EGFR: variants seen among roughly 807,000 people sequenced by gnomAD.
EGFR encodes the protein epidermal growth factor receptor.
EGFR carries 58 observed loss-of-function variants against 143.0 expected under a neutral mutation model. The ratio of observed to expected loss-of-function variants is 0.41; its 90% confidence interval spans 0.33 to 0.50. EGFR has a LOEUF of 0.50. Ranked by LOEUF, EGFR falls within the 20% of genes least tolerant of loss-of-function variation. The pLI is 0.39. For missense variants in EGFR, 1,307 were observed against 1,579.0 expected, an observed-to-expected ratio of 0.83 and a Z score of 2.92; for synonymous variants, 613 against 594.4, an observed-to-expected ratio of 1.03 and a Z score of -0.45.
intron 1 of EGFR, chr7:55,044,065 C>A (rs1411212304): frequency 6.6e-6 from 1 of 152,228 alleles, no homozygotes; most frequent in African/African-American, 2.4e-5. Flanking sequence ...GCCTTAGAAA[C>A]TGGCTCCTTC....
At chr7:55,196,304 C>T (rs936577133) in intron 22 of EGFR, among the ~76,000 whole-genome samples, 10 of 150,400 alleles carry the variant, frequency 6.6e-5, no homozygotes, top group Non-Finnish European at 1.2e-4. Context: ...TACTTGTTGG[C>T]TGCATGTATG....
intron 6 of EGFR, among the ~76,000 whole-genome samples, 153 bp from the exon 7 acceptor site, chr7:55,153,858 G>A (rs776602458): frequency 1.3e-5 from 2 of 152,106 alleles, no homozygotes; most frequent in African/African-American, 2.4e-5. Context: ...TGCAGAGGGC[G>A]CCAGCTGGGT....
Position 55,163,722 on chromosome 7 carries a change from C to A in EGFR, c.1632-11C>A. On this transcript the variant is annotated splice_polypyrimidine_tract_variant and intron_variant, in intron 13 of 27. Transcript: ENST00000275493. The stretch of plus-strand genomic sequence containing the variant: ...GGGGTGGGCTGACGGGTTTCCTCTT[C>A]CTCCTCTCAGTGAGCCAAGGGAGTT... 6.2e-7 allele frequency: 1 copy of A among 1,613,722 alleles called. No individual in the cohort carries two copies. The highest frequency in any genetic ancestry group is 1.1e-5 in the South Asian group (1 of 91,072).
intron 1 of EGFR, among the ~76,000 whole-genome samples, chr7:55,059,649 C>A (rs1240986909): frequency 3.3e-5 from 5 of 152,098 alleles, no homozygotes; most frequent in Non-Finnish European, 2.9e-5. Context: ...CCTCCCCAAA[C>A]TGTGGCAACC....
At chr7:55,084,644 G>A (rs10244108) in intron 1 of EGFR, among the ~76,000 whole-genome samples, 40,330 of 152,126 alleles carry the variant, frequency 0.27, 5,984 homozygotes, top group Non-Finnish European at 0.34. Flanking sequence ...ACACTTGGGA[G>A]GAATGTTTAC....
intron 1 of EGFR, among the ~76,000 whole-genome samples, chr7:55,067,581 A>G (rs914065614): frequency 3.3e-5 from 5 of 151,576 alleles, no homozygotes; most frequent in Admixed American, 6.5e-5. Flanking sequence ...TGTACGGTTC[A>G]GTAGTGTTAA....
chr7:55,051,757 ACT>A lies in EGFR; in HGVS notation c.88+32396_88+32397del, dbSNP rs1788504538. Among the ~76,000 whole-genome samples, 3 of 151,994 alleles carry A rather than the reference ACT, an allele frequency of 2.0e-5. No individual in the cohort carries two copies. The South Asian group carries it at 6.2e-4, about 32-fold the overall frequency. ...TCCAAACATGATCTGGCCCTCAGCTACTCTCCAGGGTCATGCCACCCTATCAC... is the reference window on the plus strand; with the variant it reads ...TCCAAACATGATCTGGCCCTCAGCTACTCCAGGGTCATGCCACCCTATCAC... On this transcript the variant is annotated intron_variant, in intron 1 of 27. Coordinates refer to ENST00000275493, the MANE Select transcript of EGFR (RefSeq NM_005228.5).
intron 1 of EGFR, among the ~76,000 whole-genome samples, chr7:55,082,906 A>C (rs1360639026): frequency 6.6e-6 from 1 of 152,212 alleles, no homozygotes; most frequent in African/African-American, 2.4e-5. Context: ...TGGTGTTCCC[A>C]GCAGCCCTTG....
At chr7:55,124,933 G>T (rs1338044133) in intron 1 of EGFR, among the ~76,000 whole-genome samples, 2 of 152,244 alleles carry the variant, frequency 1.3e-5, no homozygotes, top group Non-Finnish European at 2.9e-5. Flanking sequence ...CCCTGTCGGG[G>T]TGTCCATTGT....
At chr7:55,028,327 CTG>C (rs1280580548) in intron 1 of EGFR, among the ~76,000 whole-genome samples, 3 of 152,146 alleles carry the variant, frequency 2.0e-5, no homozygotes, top group Admixed American at 2.0e-4. Flanking sequence ...ATGTGAAAAA[CTG>C]TGCATGTTTT....
At chr7:55,181,111 C>A in intron 19 of EGFR, 182 bp from the exon 20 acceptor site, 1 of 732,354 alleles carries the variant, frequency 1.4e-6, no homozygotes, top group Non-Finnish European at 2.3e-6. Context: ...CTGCATCTGT[C>A]ACTTCACAGC....
chr7:55,161,365 T>C, intron 12 of EGFR, 134 bp from the exon 13 acceptor site: 2 of 1,273,390 alleles, frequency 1.6e-6, no homozygotes, highest in Non-Finnish European at 2.1e-6. Context: ...GTCCTCCTCC[T>C]TCAGGGGTAG....
intron 1 of EGFR, among the ~76,000 whole-genome samples, chr7:55,134,701 G>C (rs960640575): frequency 6.6e-6 from 1 of 152,138 alleles, no homozygotes; most frequent in South Asian, 2.1e-4. Flanking sequence ...ATAAAAAATG[G>C]AAAGTGATTT....
chr7:55,192,616 CG>C, intron 21 of EGFR, 149 bp from the exon 22 acceptor site: 1 of 727,390 alleles, frequency 1.4e-6, no homozygotes, highest in South Asian at 1.5e-5. Context: ...CCCCTGTTGC[CG>C]GGAGGAGGCG....
chr7:55,083,793 A>C (rs2128891230), intron 1 of EGFR, among the ~76,000 whole-genome samples: 1 of 152,352 alleles, frequency 6.6e-6, no homozygotes, highest in Non-Finnish European at 1.5e-5. Flanking sequence ...GTTTTTGGTA[A>C]AATGAAACCC....
chr7:55,113,740 G>A (rs547375988), intron 1 of EGFR, among the ~76,000 whole-genome samples: 1 of 152,372 alleles, frequency 6.6e-6, no homozygotes, highest in Non-Finnish European at 1.5e-5. Context: ...TGAATGTTTA[G>A]CTTTGACAGA....
intron 1 of EGFR, among the ~76,000 whole-genome samples, chr7:55,054,468 T>C (rs1162303691): frequency 6.6e-6 from 1 of 152,206 alleles, no homozygotes; most frequent in African/African-American, 2.4e-5. Flanking sequence ...AACTTGGCCA[T>C]GCCGTGGCAG....
At chr7:55,115,227 C>G (rs1445397968) in intron 1 of EGFR, among the ~76,000 whole-genome samples, 1 of 152,154 alleles carries the variant, frequency 6.6e-6, no homozygotes, top group Non-Finnish European at 1.5e-5. Flanking sequence ...CACCAAGACT[C>G]TGTTCAGACA....
intron 1 of EGFR, among the ~76,000 whole-genome samples, chr7:55,140,281 CT>C (rs1187930438): frequency 1.3e-5 from 2 of 152,190 alleles, no homozygotes; most frequent in East Asian, 3.9e-4. Flanking sequence ...AAGCAGCTGC[CT>C]GTTTTCATCT....
Sources: gnomAD v4.1 joint callset for allele counts (sites outside exome capture counted in the v4.1 genomes callset) on GRCh38, gnomAD v4.1.1 for gene constraint, MANE v1.5 for transcripts, NCBI Gene and HGNC (gene_info 2026-07-23, HGNC 2026-07-21) for gene names.